TAB2: variants seen among roughly 807,000 people sequenced by gnomAD.
TAB2 encodes the protein TGF-beta activated kinase 1 (MAP3K7) binding protein 2, also known as TGF-beta-activated kinase 1 and MAP3K7-binding protein 2.
Under a neutral mutation model 65.0 loss-of-function variants are expected in TAB2, and 3 were observed. The observed-to-expected ratio is 0.05, with a 90% CI of 0.02 to 0.12. The LOEUF (loss-of-function observed/expected upper bound fraction) is 0.12. TAB2 is among the 10% of genes least tolerant of loss of function. The pLI is 1.00. For missense variants in TAB2, 623 were observed against 840.3 expected, an observed-to-expected ratio of 0.74 and a Z score of 3.20; for synonymous variants, 298 against 285.1, an observed-to-expected ratio of 1.05 and a Z score of -0.46.
chr6:149,339,228 TGGC>T (rs1780025521), intron 1 of TAB2, among the ~76,000 whole-genome samples: 1 of 152,042 alleles, frequency 6.6e-6, no homozygotes, highest in South Asian at 2.1e-4. Context: ...CTGGGTGTGG[TGGC>T]ACGCGCCTGT....
At chr6:149,291,262 C>A (rs1411411019) in intron 1 of TAB2, 1 of 152,210 alleles carries the variant, frequency 6.6e-6, no homozygotes, top group Admixed American at 6.5e-5. Context: ...TGGACTACAA[C>A]ATGAAAGAGT....
intron 1 of TAB2, among the ~76,000 whole-genome samples, chr6:149,263,093 C>T (rs1778188384): frequency 6.6e-6 from 1 of 152,160 alleles, no homozygotes; most frequent in East Asian, 1.9e-4. Flanking sequence ...GCATGAGCCA[C>T]CACACCTGGC....
chr6:149,261,988 A>G (rs1778161284), intron 1 of TAB2, among the ~76,000 whole-genome samples: 1 of 152,238 alleles, frequency 6.6e-6, no homozygotes, highest in Non-Finnish European at 1.5e-5. Context: ...GGTCATTTAA[A>G]TGTGATCTTG....
intron 1 of TAB2, among the ~76,000 whole-genome samples, chr6:149,275,234 G>GAGAGAGAA (rs1295920060): frequency 3.1e-4 from 20 of 65,402 alleles, no homozygotes; most frequent in South Asian, 2.0e-3. Flanking sequence ...GGGAGAGAGA[G>GAGAGAGAA]AGAAAGAAAG....
upstream of TAB2, among the ~76,000 whole-genome samples, chr6:149,315,047 ATAGAT>A (rs565127145): frequency 6.6e-6 from 1 of 152,272 alleles, no homozygotes; most frequent in East Asian, 1.9e-4. Context: ...CCAAATCCAA[ATAGAT>A]TAAATAAGGA....
intron 1 of TAB2, among the ~76,000 whole-genome samples, chr6:149,242,211 G>T (rs990536183): frequency 6.6e-6 from 1 of 152,098 alleles, no homozygotes; most frequent in Non-Finnish European, 1.5e-5. Flanking sequence ...CCAGTCTTTG[G>T]TCTCTAGCTG....
chr6:149,245,683 A>G (rs1411329341), intron 1 of TAB2: 1 of 152,052 alleles, frequency 6.6e-6, no homozygotes, highest in African/African-American at 2.4e-5. Context: ...TTATACAGAT[A>G]TGGAAACAAT....
chr6:149,317,255 G>A (rs1779277783), upstream of TAB2, among the ~76,000 whole-genome samples: 1 of 152,098 alleles, frequency 6.6e-6, no homozygotes, highest in Non-Finnish European at 1.5e-5. This position sits in a 1 kb window ranked among gnomAD's most constrained non-coding sequence, Gnocchi z 4.7. Flanking sequence ...GCGGAGAAAG[G>A]GGGTCCCAGC....
At chr6:149,266,952 C>T (rs1778275392) in intron 1 of TAB2, among the ~76,000 whole-genome samples, 1 of 152,126 alleles carries the variant, frequency 6.6e-6, no homozygotes, top group African/African-American at 2.4e-5. Flanking sequence ...CAGAAAGTAG[C>T]TCTCACCCCT....
At position 149,334,745 on chromosome 6, in the gene TAB2, T is replaced by C. The variant is rs563774802; in HGVS notation, c.-90+16730T>C. Among the ~76,000 whole-genome samples, 4 of 151,910 alleles carry C rather than the reference T, an allele frequency of 2.6e-5. No individual in the cohort carries two copies. The East Asian group carries it at 5.8e-4, about 22-fold the overall frequency. On this transcript the variant is annotated intron_variant, in intron 1 of 6. Transcript: ENST00000637181. ...AACAAGAGGTCATGGTGTTAGGTGA[T>C]TGCCCAGATAACACATACTTGAACA...
At chr6:149,252,236 T>A (rs1412592239) in intron 1 of TAB2, among the ~76,000 whole-genome samples, 1 of 151,794 alleles carries the variant, frequency 6.6e-6, no homozygotes, top group Non-Finnish European at 1.5e-5. Flanking sequence ...GAGAAACCCA[T>A]CTCTACTAAA....
intron 1 of TAB2, among the ~76,000 whole-genome samples, chr6:149,323,436 T>C (rs1402342716): frequency 6.6e-6 from 1 of 152,190 alleles, no homozygotes; most frequent in African/African-American, 2.4e-5. Flanking sequence ...AAGTTTACCT[T>C]ATCTTTTTAA....
intron 1 of TAB2, among the ~76,000 whole-genome samples, chr6:149,329,075 A>G (rs952696896): frequency 2.0e-5 from 3 of 152,154 alleles, no homozygotes; most frequent in Non-Finnish European, 2.9e-5. Flanking sequence ...AGTGAGGTGG[A>G]AAATTAGAAA....
rs1554261742 is a variant in TAB2, at chr6:149,357,430, AACAC to A, written c.-89-12445_-89-12442del. ...GACTCCGTCTCAAGGAGAAAAAAAA[AACAC>A]ACACACACACACACACACACACACA... On this transcript the variant is annotated intron_variant, in intron 1 of 6. Transcript: ENST00000637181. Among the ~76,000 whole-genome samples, 364 of 111,174 alleles carry A rather than the reference AACAC, an allele frequency of 3.3e-3. 4 individuals carry two copies. The highest frequency in any genetic ancestry group is 0.018 in the South Asian group (52 of 2,860). The allele number at this position is 111,174 out of a possible 152,430, so 72.9% of individuals were successfully genotyped here.
chr6:149,331,240 G>A (rs1034019884), intron 1 of TAB2, among the ~76,000 whole-genome samples: 1 of 151,878 alleles, frequency 6.6e-6, no homozygotes, highest in African/African-American at 2.4e-5. Context: ...TCTTTTGTCA[G>A]CATTTTTTAG....
At chr6:149,278,133 C>A (rs569777349) in intron 1 of TAB2, among the ~76,000 whole-genome samples, 24 of 152,278 alleles carry the variant, frequency 1.6e-4, no homozygotes, top group African/African-American at 5.3e-4. Flanking sequence ...TGTATAAAAT[C>A]TCATATTTAC....
intron 1 of TAB2, among the ~76,000 whole-genome samples, chr6:149,276,505 C>G (rs1304538793): frequency 6.6e-6 from 1 of 152,136 alleles, no homozygotes; most frequent in Non-Finnish European, 1.5e-5. Flanking sequence ...TGTAACTTCC[C>G]TATAAACTCC....
At position 149,357,430 on chromosome 6, in the gene TAB2, A is replaced by AAAAAAACACAC; in HGVS notation, c.-89-12478_-89-12477insAAAAACACACA. ...GACTCCGTCTCAAGGAGAAAAAAAA[A>AAAAAAACACAC]ACACACACACACACACACACACACA... On this transcript the variant is annotated intron_variant, in intron 1 of 6. Coordinates refer to ENST00000637181, the MANE Select transcript of TAB2 (RefSeq NM_001292034.3). Among the ~76,000 whole-genome samples the AAAAAAACACAC allele has an allele frequency of 6.9e-3, 771 of 111,104 alleles. 13 individuals are homozygous for AAAAAAACACAC. Among genetic ancestry groups the AAAAAAACACAC allele is most frequent in the East Asian group, 0.034 (110 of 3,194 alleles). The allele number at this position is 111,104 out of a possible 152,430, so 72.9% of individuals were successfully genotyped here. A position where few individuals can be genotyped will look rare whatever the true frequency, so the allele number is the denominator to read the frequency against.
At chr6:149,221,841 C>T (rs549869901) in intron 1 of TAB2, among the ~76,000 whole-genome samples, 1 of 152,176 alleles carries the variant, frequency 6.6e-6, no homozygotes, top group South Asian at 2.1e-4. Flanking sequence ...GCATTCCAAC[C>T]CCTGATTTCC....
Sources: gnomAD v4.1 joint callset for allele counts (sites outside exome capture counted in the v4.1 genomes callset) on GRCh38, gnomAD v4.1.1 for gene constraint, Gnocchi (gnomAD v3.1) non-coding constraint, MANE v1.5 for transcripts, NCBI Gene and HGNC (gene_info 2026-07-23, HGNC 2026-07-21) for gene names.